The following MARCHF1 variants were observed in gnomAD, a reference collection of about 807,000 sequenced individuals.
MARCHF1 encodes the protein membrane associated ring-CH-type finger 1, also known as E3 ubiquitin-protein ligase MARCHF1.
A neutral mutation model predicts 54.2 loss-of-function variants in MARCHF1; 40 were observed. The observed-to-expected ratio is 0.74, with a 90% CI of 0.57 to 0.96. The LOEUF (loss-of-function observed/expected upper bound fraction) is 0.96. Among genes scored for constraint, MARCHF1 ranks in the 40% least tolerant of loss-of-function variants. MARCHF1 has a pLI of 0.00. For missense variants in MARCHF1, 586 were observed against 656.5 expected (o/e 0.89, Z 1.17); for synonymous variants, 236 against 236.3 (o/e 1.00, Z 0.01).
At chr4:163,590,413 C>A (rs184746210) in intron 7 of MARCHF1, among the ~76,000 whole-genome samples, 2 of 152,140 alleles carry the variant, frequency 1.3e-5, no homozygotes, top group Non-Finnish European at 2.9e-5. Flanking sequence ...ATATCTTCTT[C>A]CTTTTCATCC....
intron 2 of MARCHF1, among the ~76,000 whole-genome samples, chr4:164,012,800 C>T (rs769794931): frequency 2.0e-5 from 3 of 152,060 alleles, no homozygotes; most frequent in South Asian, 2.1e-4. Context: ...CTATAGGAGG[C>T]GACAGGATTT....
At chr4:163,779,320 A>G (rs143621575) in intron 4 of MARCHF1, among the ~76,000 whole-genome samples, 2 of 152,352 alleles carry the variant, frequency 1.3e-5, no homozygotes, top group African/African-American at 2.4e-5. Flanking sequence ...TATGAAAGAT[A>G]AGTCAAGATG....
At chr4:164,056,454 T>C (rs1754492123) in intron 2 of MARCHF1, among the ~76,000 whole-genome samples, 1 of 152,312 alleles carries the variant, frequency 6.6e-6, no homozygotes, top group South Asian at 2.1e-4. Flanking sequence ...TCACTTGGGT[T>C]CCTTTACTTC....
At chr4:163,713,745 G>C (rs1200462774) in intron 4 of MARCHF1, among the ~76,000 whole-genome samples, 2 of 152,182 alleles carry the variant, frequency 1.3e-5, no homozygotes, top group Non-Finnish European at 2.9e-5. Context: ...CTCACCTATG[G>C]ATAGTGGGAG....
At chr4:164,278,314 A>T (rs1267015865) in intron 1 of MARCHF1, among the ~76,000 whole-genome samples, 1 of 152,216 alleles carries the variant, frequency 6.6e-6, no homozygotes, top group East Asian at 1.9e-4. Flanking sequence ...TGTCTCAAAA[A>T]CAAAAGAAAA....
chr4:164,125,315 T>C (rs1458265729), intron 1 of MARCHF1, among the ~76,000 whole-genome samples: 1 of 152,078 alleles, frequency 6.6e-6, no homozygotes, highest in Non-Finnish European at 1.5e-5. Context: ...TGAATAGGAC[T>C]CAATGAATAA....
At chr4:163,783,271 C>G (rs1412985063) in intron 4 of MARCHF1, among the ~76,000 whole-genome samples, 1 of 152,128 alleles carries the variant, frequency 6.6e-6, no homozygotes, top group Non-Finnish European at 1.5e-5. Flanking sequence ...TAGGAAATGA[C>G]AGAGGCAATA....
intron 5 of MARCHF1, among the ~76,000 whole-genome samples, chr4:163,635,771 G>A (rs1742294399): frequency 6.6e-6 from 1 of 152,094 alleles, no homozygotes; most frequent in African/African-American, 2.4e-5. Context: ...TGATACCAAA[G>A]CCAGGCAGAC....
At chr4:164,057,047 G>T (rs761348557) in intron 2 of MARCHF1, among the ~76,000 whole-genome samples, 1 of 152,120 alleles carries the variant, frequency 6.6e-6, no homozygotes, top group African/African-American at 2.4e-5. Flanking sequence ...AATGCTAAGG[G>T]AATGTAACAC....
At chr4:164,382,275 T>C (rs372580070) in intron 1 of MARCHF1, among the ~76,000 whole-genome samples, 2 of 152,148 alleles carry the variant, frequency 1.3e-5, no homozygotes, top group African/African-American at 4.8e-5. Flanking sequence ...ATTATTTCAA[T>C]CCTGTTTCAG....
intron 2 of MARCHF1, among the ~76,000 whole-genome samples, chr4:164,037,887 C>T (rs12639947): frequency 0.42 from 64,419 of 152,012 alleles, 15,847 homozygotes; most frequent in Non-Finnish European, 0.57. Flanking sequence ...TCAAAAGTTA[C>T]ATATTGCATG....
chr4:164,143,740 G>A (rs1226742052), intron 1 of MARCHF1, among the ~76,000 whole-genome samples: 2 of 151,922 alleles, frequency 1.3e-5, no homozygotes, highest in African/African-American at 2.4e-5. Flanking sequence ...AAAGACCATA[G>A]AGACTAGGAA....
chr4:163,964,382 A>G (rs1377035030), intron 3 of MARCHF1, among the ~76,000 whole-genome samples: 1 of 151,992 alleles, frequency 6.6e-6, no homozygotes, highest in East Asian at 1.9e-4. Flanking sequence ...AATGTGAGTA[A>G]TTACTACAAA....
At chr4:163,847,914 C>A (rs1749532994) in intron 4 of MARCHF1, among the ~76,000 whole-genome samples, 1 of 152,138 alleles carries the variant, frequency 6.6e-6, no homozygotes. Context: ...GTGCAAACAA[C>A]AGTATCAACT....
At chr4:163,938,453 T>C (rs995449641) in intron 3 of MARCHF1, among the ~76,000 whole-genome samples, 3 of 152,108 alleles carry the variant, frequency 2.0e-5, no homozygotes, top group Non-Finnish European at 4.4e-5. Context: ...AGGCATTCAG[T>C]AGTGGTGGCA....
intron 3 of MARCHF1, among the ~76,000 whole-genome samples, chr4:163,887,247 G>A (rs745793130): frequency 6.6e-6 from 1 of 151,954 alleles, no homozygotes; most frequent in Admixed American, 6.6e-5. Context: ...GGGGAGGAGA[G>A]GGGACATTTT....
intron 2 of MARCHF1, among the ~76,000 whole-genome samples, chr4:164,032,735 G>T (rs1035835102): frequency 4.6e-5 from 7 of 152,094 alleles, no homozygotes; most frequent in Admixed American, 4.6e-4. Context: ...ATTTGCTGAG[G>T]AGTGTTTTAT....
In MARCHF1 at chr4:164,216,047, A is replaced by G. The variant is rs75343359; in HGVS notation, c.-322-104385T>C. 2.4e-4 allele frequency among the ~76,000 whole-genome samples: 37 copies of G among 152,358 alleles called. No homozygotes were observed. In the East Asian group the frequency reaches 6.7e-3, roughly 28 times the overall value. ...TAATTCTTGAGGCCACCTGGCCCTCAGTTTTGCTTAGAGTCAGAGACATAG... is the reference window on the plus strand; with the variant it reads ...TAATTCTTGAGGCCACCTGGCCCTCGGTTTTGCTTAGAGTCAGAGACATAG... On this transcript the variant is annotated intron_variant, in intron 1 of 9. Transcript: ENST00000514618.
At chr4:164,203,787 C>T (rs181671544) in intron 1 of MARCHF1, among the ~76,000 whole-genome samples, 134 of 152,224 alleles carry the variant, frequency 8.8e-4, no homozygotes, top group Middle Eastern at 3.4e-3. Context: ...AACACCCTCG[C>T]TTGAGAGTAG....
Sources: gnomAD v4.1 joint callset for allele counts (sites outside exome capture counted in the v4.1 genomes callset) on GRCh38, gnomAD v4.1.1 for gene constraint, MANE v1.5 for transcripts, NCBI Gene and HGNC (gene_info 2026-07-23, HGNC 2026-07-21) for gene names.